Variants in ZNF138 observed in about 807,000 individuals in gnomAD.
The protein encoded by ZNF138 is zinc finger protein 138.
In ZNF138, 33 loss-of-function variants were observed where a neutral mutation model predicts 33.0. The observed-to-expected ratio is 1.00, with a 90% confidence interval of 0.76 to 1.34. The LOEUF is 1.34. ZNF138 is among the 40% of genes most tolerant of loss of function. The pLI is 0.00. For synonymous variants in ZNF138, 139 were observed against 120.4 expected (o/e 1.15, Z -1.01); for missense variants, 360 against 370.8 (o/e 0.97, Z 0.24).
chr7:64,795,642 A>G (rs1433075263), intron 1 of ZNF138, among the ~76,000 whole-genome samples: 1 of 150,242 alleles, frequency 6.7e-6, no homozygotes, highest in East Asian at 1.9e-4. Context: ...GAAACCAAAG[A>G]CTCATCCCCT....
At chr7:64,831,044 C>T (rs767722652) in intron 3 of ZNF138, 1 of 1,551,804 alleles carries the variant, frequency 6.4e-7, no homozygotes, top group African/African-American at 1.4e-5. Flanking sequence ...AAACCAGTGT[C>T]TGCAAAAGCA....
chr7:64,855,303 A>G, the ZNF138 span, among the ~76,000 whole-genome samples: 1 of 152,232 alleles, frequency 6.6e-6, no homozygotes, highest in African/African-American at 2.4e-5. Context: ...CTATTAGTAA[A>G]CAATTGTTTA....
chr7:64,824,047 A>G (rs145517804), intron 3 of ZNF138, among the ~76,000 whole-genome samples: 122 of 152,314 alleles, frequency 8.0e-4, no homozygotes, highest in African/African-American at 2.8e-3. Flanking sequence ...GAAAGTTTGC[A>G]CATAACTGTT....
intron 1 of ZNF138, among the ~76,000 whole-genome samples, chr7:64,802,056 G>A (rs992705300): frequency 2.0e-5 from 3 of 152,162 alleles, no homozygotes; most frequent in African/African-American, 7.2e-5. Flanking sequence ...TCGGGTTACA[G>A]CTTGGTTTTA....
At chr7:64,858,324 C>T in the ZNF138 span, among the ~76,000 whole-genome samples, 1 of 152,120 alleles carries the variant, frequency 6.6e-6, no homozygotes, top group Non-Finnish European at 1.5e-5. Flanking sequence ...GTCTTTTCTA[C>T]ATCTCTTTGT....
At chr7:64,846,344 G>A in the ZNF138 span, among the ~76,000 whole-genome samples, 1 of 152,128 alleles carries the variant, frequency 6.6e-6, no homozygotes, top group African/African-American at 2.4e-5. Context: ...TTTGTAGATT[G>A]CTTTTGGCAT....
intron 1 of ZNF138, among the ~76,000 whole-genome samples, chr7:64,797,507 A>G (rs115197615): frequency 0.014 from 2,184 of 152,272 alleles, 54 homozygotes; most frequent in African/African-American, 0.05. Context: ...TATTGAGCCT[A>G]CAAAGGGAAG....
chr7:64,843,604 C>T, the ZNF138 span, among the ~76,000 whole-genome samples: 2 of 151,934 alleles, frequency 1.3e-5, no homozygotes, highest in African/African-American at 4.8e-5. Context: ...TTAAGCCTTT[C>T]ATTCTTTTTA....
At chr7:64,852,756 G>A in the ZNF138 span, 1 of 916,818 alleles carries the variant, frequency 1.1e-6, no homozygotes, top group Admixed American at 1.7e-5. Context: ...GTCCCCAGGG[G>A]TTTTGTCAAC....
chr7:64,839,280 G>A, the ZNF138 span, among the ~76,000 whole-genome samples: 1 of 152,220 alleles, frequency 6.6e-6, no homozygotes, highest in Admixed American at 6.5e-5. Context: ...GAGTTGTAAA[G>A]TTGGGAGGTT....
intron 3 of ZNF138, among the ~76,000 whole-genome samples, chr7:64,829,903 A>C (rs887890953): frequency 6.6e-6 from 1 of 152,044 alleles, no homozygotes; most frequent in Admixed American, 6.6e-5. Context: ...GCTTTCTTGC[A>C]TTGTGTCATT....
At chr7:64,859,304 G>A in the ZNF138 span, among the ~76,000 whole-genome samples, 2 of 151,944 alleles carry the variant, frequency 1.3e-5, no homozygotes, top group Non-Finnish European at 2.9e-5. Context: ...TGTGTTTTTT[G>A]GACTCATCTA....
intron 3 of ZNF138, chr7:64,830,899 T>C (rs1790028666): frequency 1.3e-6 from 2 of 1,526,796 alleles, no homozygotes; most frequent in Non-Finnish European, 1.8e-6. Context: ...ATCTTAATAG[T>C]CAGTAGTCAC....
At chr7:64,844,340 G>T in the ZNF138 span, among the ~76,000 whole-genome samples, 1 of 152,178 alleles carries the variant, frequency 6.6e-6, no homozygotes, top group African/African-American at 2.4e-5. Context: ...AATGGAAAAG[G>T]TCCTACAGTG....
chr7:64,847,317 T>C, the ZNF138 span, among the ~76,000 whole-genome samples: 14 of 104,528 alleles, frequency 1.3e-4, no homozygotes, highest in Non-Finnish European at 2.2e-4. Flanking sequence ...TTCTAATACA[T>C]ATATATATAT....
At chr7:64,841,418 A>G in the ZNF138 span, among the ~76,000 whole-genome samples, 1 of 152,212 alleles carries the variant, frequency 6.6e-6, no homozygotes, top group East Asian at 1.9e-4. Context: ...AAATGTGGCG[A>G]ACAAACATGA....
chr7:64,836,156 G>A (rs1224658394), downstream of ZNF138: 1 of 152,108 alleles, frequency 6.6e-6, no homozygotes, highest in Non-Finnish European at 1.5e-5. Flanking sequence ...TGTCTTGTAG[G>A]GTCTGAGAAT....
intron 3 of ZNF138, among the ~76,000 whole-genome samples, chr7:64,827,784 C>T (rs1789760644): frequency 6.6e-6 from 1 of 151,822 alleles, no homozygotes; most frequent in African/African-American, 2.4e-5. Context: ...GTAAGTTTTA[C>T]CTTTCATGTT....
the ZNF138 span, among the ~76,000 whole-genome samples, chr7:64,845,744 G>A: frequency 1.3e-4 from 20 of 152,064 alleles, no homozygotes; most frequent in African/African-American, 4.6e-4. Flanking sequence ...TTGTCTTTTC[G>A]TGTTTTTAGC....
Sources: gnomAD v4.1 joint callset for allele counts (sites outside exome capture counted in the v4.1 genomes callset) on GRCh38, gnomAD v4.1.1 for gene constraint, MANE v1.5 for transcripts, NCBI Gene and HGNC (gene_info 2026-07-23, HGNC 2026-07-21) for gene names.